DISP3: variants seen among roughly 807,000 people sequenced by gnomAD.
DISP3 encodes the protein dispatched RND transporter family member 3, also known as protein dispatched homolog 3.
DISP3 carries 101 observed loss-of-function variants against 135.3 expected under a neutral mutation model. That is an observed-to-expected ratio of 0.75 (90% CI 0.64 to 0.88). The LOEUF is 0.88. Ranked by LOEUF, DISP3 falls within the 40% of genes least tolerant of loss-of-function variation. The probability of loss-of-function intolerance (pLI) is 0.00; values close to 1 mark genes in which losing one functional copy is unlikely to be tolerated. For synonymous variants in DISP3, 856 were observed against 817.0 expected (o/e 1.05, Z -0.81); for missense variants, 1,713 against 1,878.6 (o/e 0.91, Z 1.63).
At position 11,501,188 on chromosome 1, in the gene DISP3, T is replaced by C; in HGVS notation, c.196T>C (p.Trp66Arg). 6.2e-7 allele frequency: 1 copy of C among 1,614,056 alleles called. No homozygotes were observed. The highest frequency in any genetic ancestry group is 8.5e-7 in the Non-Finnish European group (1 of 1,179,920). ...PASGFWSTLG[W>R]AFTNPCCAGL... is the part of the protein sequence containing the mutation. ...TTCGGGCTTCTGGAGTACCCTGGGC[T>C]GGGCCTTCACCAATCCGTGCTGTGC... Residue 66 changes from tryptophan (W) to arginine (R), a missense_variant, in exon 2 of 21, where the codon TGG becomes CGG. Trp to Arg is a moderately radical substitution (Grantham distance 101). Coordinates refer to ENST00000294484, the MANE Select transcript of DISP3 (RefSeq NM_020780.2). This position sits in a 1 kb window ranked among gnomAD's most constrained non-coding sequence, Gnocchi z 4.9.
chr1:11,500,097 CA>C (rs1641459105), intron 1 of DISP3, among the ~76,000 whole-genome samples: 1 of 152,250 alleles, frequency 6.6e-6, no homozygotes, highest in African/African-American at 2.4e-5. Flanking sequence ...CTGCTGCACT[CA>C]AGTCTCTGGG....
Position 11,501,748 on chromosome 1 carries a change from C to A in DISP3, c.756C>A (p.Gly252=). 1 of 1,591,008 alleles carries A rather than the reference C, an allele frequency of 6.3e-7. No individual in the cohort carries two copies. Among genetic ancestry groups the A allele is most frequent in the Non-Finnish European group, 8.6e-7 (1 of 1,166,988 alleles). Residue 252 remains glycine (G), a synonymous_variant, in exon 2 of 21, where the codon GGC becomes GGA. Coordinates refer to ENST00000294484, the MANE Select transcript of DISP3 (RefSeq NM_020780.2). The surrounding 1 kb of genome is among the most constrained non-coding windows in gnomAD (Gnocchi z 4.9). Reference sequence around the variant, plus strand: ...CCAATCAGAGCCGTGCCCGCCGAGGCGCCTCGCGCTGGGACTACTCGCGCG... The same window carrying A: ...CCAATCAGAGCCGTGCCCGCCGAGGAGCCTCGCGCTGGGACTACTCGCGCG... ...VAANQSRARR[G]ASRWDYSRAY...
chr1:11,526,835 G>A lies in DISP3; in HGVS notation c.2798G>A (p.Arg933Gln), dbSNP rs772456700. 1.6e-5 allele frequency: 26 copies of A among 1,598,284 alleles called. No homozygotes were observed. The highest frequency in any genetic ancestry group is 1.9e-5 in the Non-Finnish European group (22 of 1,176,346). ...GCCACCAAGGAGCAGCAGCACACCC[G>A]GTAACAGAGCCTGGCAGACAAGCCG... ...YVATKEQQHTRKLYFAQSHKP... is the reference protein window; with the variant it reads ...YVATKEQQHTQKLYFAQSHKP... Residue 933 changes from arginine (R) to glutamine (Q), a missense_variant and splice_region_variant, in exon 13 of 21, where the codon CGG (arginine) becomes CAG (glutamine). Arg to Gln is a conservative substitution (Grantham distance 43). Transcript: ENST00000294484.
intron 1 of DISP3, among the ~76,000 whole-genome samples, chr1:11,496,143 A>T (rs1641325462): frequency 6.6e-6 from 1 of 151,850 alleles, no homozygotes; most frequent in African/African-American, 2.4e-5. Flanking sequence ...CTGGGATTTG[A>T]CTGCAGATAT....
At chr1:11,510,326 G>A (rs1641823706) in intron 3 of DISP3, among the ~76,000 whole-genome samples, 1 of 151,406 alleles carries the variant, frequency 6.6e-6, no homozygotes, top group African/African-American at 2.4e-5. Flanking sequence ...CTTTTATGTT[G>A]TAACTCTTTT....
At chr1:11,509,906 A>G (rs1374525385) in intron 3 of DISP3, among the ~76,000 whole-genome samples, 2 of 152,076 alleles carry the variant, frequency 1.3e-5, no homozygotes, top group African/African-American at 4.8e-5. Context: ...CGAGACCAAC[A>G]TGGCTAACAT....
At position 11,501,837 on chromosome 1, in the gene DISP3, G is replaced by T. The variant is rs1485735630; in HGVS notation, c.845G>T (p.Arg282Leu). Residue 282 changes from arginine to leucine, a missense_variant, in exon 2 of 21, where the codon CGC becomes CTC. Around this residue, in one of 2 missense-constraint regions of DISP3, gnomAD observed 571 missense variants for 494.1 expected, o/e 1.16. Transcript: ENST00000294484. The surrounding 1 kb of genome is among the most constrained non-coding windows in gnomAD (Gnocchi z 4.9). Reference sequence around the variant, plus strand: ...CGCATCGAGCTCATCTTCCTGGCGCGCGGCGACGCGGAGCGCAACATTTTC... The same window carrying T: ...CGCATCGAGCTCATCTTCCTGGCGCTCGGCGACGCGGAGCGCAACATTTTC... ...HWRIELIFLARGDAERNIFTS... is the reference protein window; with the variant it reads ...HWRIELIFLALGDAERNIFTS... 2 of 1,611,550 alleles carry T rather than the reference G, an allele frequency of 1.2e-6. No individual in the cohort carries two copies. The highest frequency in any genetic ancestry group is 1.7e-6 in the Non-Finnish European group (2 of 1,178,836).
rs1020475137 is a variant in DISP3, at chr1:11,508,179, T to C, written c.1316+5282T>C. Among the ~76,000 whole-genome samples the C allele has an allele frequency of 1.3e-5, 2 of 152,158 alleles. 1 individual carries two copies. Among genetic ancestry groups the C allele is most frequent in the East Asian group, 3.9e-4 (2 of 5,192 alleles). ...GTTCATGCCTATAATCCCAGCTACT[T>C]GGAAGGCTGAGGCAGGAGGATCCTT... On this transcript the variant is annotated intron_variant, in intron 3 of 20. Transcript: ENST00000294484.
intron 1 of DISP3, among the ~76,000 whole-genome samples, chr1:11,493,647 C>T (rs1641248645): frequency 6.6e-6 from 1 of 152,094 alleles, no homozygotes; most frequent in African/African-American, 2.4e-5. Flanking sequence ...TCATTTGAAC[C>T]TCAGAGGTGG....
At position 11,517,520 on chromosome 1, in the gene DISP3, C is replaced by T. The variant is rs1345897491; in HGVS notation, c.1807C>T (p.Leu603=). The part of the protein sequence containing the change: ...FMSLIVSCCW[L]AVLVTMPAAL... ...GTCTCTCATCGTGTCCTGTTGCTGG[C>T]TGGCCGTGCTTGTCACCATGCCTGC... The change falls in exon 7 of 21, where the codon CTG becomes TTG. Residue 603 remains leucine (L), a synonymous_variant. Transcript: ENST00000294484. 3 of 1,614,114 alleles carry T rather than the reference C, an allele frequency of 1.9e-6. No individual in the cohort carries two copies. Among genetic ancestry groups the T allele is most frequent in the African/African-American group, 2.7e-5 (2 of 74,946 alleles).
chr1:11,522,606 AGCCCAGCCAG>A (rs1642240161), intron 10 of DISP3, among the ~76,000 whole-genome samples: 2 of 31,204 alleles, frequency 6.4e-5, no homozygotes, highest in Non-Finnish European at 1.8e-4. Flanking sequence ...ACCCAGCCAG[AGCCCAGCCAG>A]GACCCAGCCA....
chr1:11,511,418 G>A (rs1046512759), intron 3 of DISP3, among the ~76,000 whole-genome samples: 38 of 152,282 alleles, frequency 2.5e-4, no homozygotes, highest in African/African-American at 8.9e-4. Flanking sequence ...CCAAAACAAA[G>A]GGGTTACAGG....
Position 11,491,192 on chromosome 1 carries a change from G to A in DISP3, c.-3-9798G>A, listed in dbSNP as rs973059666. ...CGGTGGAGGGATGTGGGGAGGCCAA[G>A]GCTAAATCAGTTGCTGGAGGGAGCC... On this transcript the variant is annotated intron_variant, in intron 1 of 20. Transcript: ENST00000294484. This position sits in a 1 kb window ranked among gnomAD's most constrained non-coding sequence, Gnocchi z 4.3. 1.3e-5 allele frequency among the ~76,000 whole-genome samples: 2 copies of A among 152,244 alleles called. No individual in the cohort carries two copies. Among genetic ancestry groups the A allele is most frequent in the Admixed American group, 6.5e-5 (1 of 15,288 alleles).
chr1:11,536,687 C>CGG lies in DISP3; in HGVS notation c.*1_*2insGG. 1 of 1,553,770 alleles carries CGG rather than the reference C, an allele frequency of 6.4e-7. No homozygotes were observed. Among genetic ancestry groups the CGG allele is most frequent in the African/African-American group, 1.4e-5 (1 of 73,102 alleles). ...CCTGCCCGCAGGGGCCTCCCTATAG[C>CGG]CCGGGACGGGCTCTGGACACTTGCA... On this transcript the variant is annotated 3_prime_UTR_variant, in exon 21 of 21. Coordinates refer to ENST00000294484, the MANE Select transcript of DISP3 (RefSeq NM_020780.2). The surrounding 1 kb of genome is among the most constrained non-coding windows in gnomAD (Gnocchi z 4.3).
At chr1:11,505,054 C>T (rs1641658989) in intron 3 of DISP3, among the ~76,000 whole-genome samples, 1 of 152,228 alleles carries the variant, frequency 6.6e-6, no homozygotes, top group African/African-American at 2.4e-5. Context: ...CAGTGCTTCT[C>T]ACTCTGTCTT....
rs756657293 is a variant in DISP3 at position 11,501,777 on chromosome 1, A to C, written c.785A>C (p.Tyr262Ser). The part of the protein sequence containing the change: ...GASRWDYSRA[Y>S]VSANTQTHAH... ...TCGCGCTGGGACTACTCGCGCGCCT[A>C]TGTGAGTGCCAACACTCAGACGCAC... is the stretch of plus-strand genomic sequence containing the variant. The change falls in exon 2 of 21, where the codon TAT becomes TCT. Residue 262 changes from tyrosine to serine, a missense_variant. Around this residue, in one of 2 missense-constraint regions of DISP3, gnomAD observed 571 missense variants for 494.1 expected, o/e 1.16. Transcript: ENST00000294484. The surrounding 1 kb of genome is among the most constrained non-coding windows in gnomAD (Gnocchi z 4.9). The C allele has an allele frequency of 1.9e-6, 3 of 1,597,394 alleles. No homozygotes were observed. The highest frequency in any genetic ancestry group is 1.7e-5 in the Admixed American group (1 of 58,884).
intron 3 of DISP3, among the ~76,000 whole-genome samples, chr1:11,512,599 G>A (rs1641886931): frequency 6.6e-6 from 1 of 152,158 alleles, no homozygotes; most frequent in South Asian, 2.1e-4. Flanking sequence ...CATTCAACAA[G>A]TCTCTAGGAA....
chr1:11,495,306 G>A (rs58179069), intron 1 of DISP3, among the ~76,000 whole-genome samples: 105 of 152,288 alleles, frequency 6.9e-4, no homozygotes, highest in African/African-American at 2.4e-3. Context: ...CACGAGAATC[G>A]CTTGAACCCG....
At chr1:11,489,519 T>A (rs1641126189) in intron 1 of DISP3, among the ~76,000 whole-genome samples, 1 of 152,158 alleles carries the variant, frequency 6.6e-6, no homozygotes, top group Non-Finnish European at 1.5e-5. Flanking sequence ...GACAGCAGGA[T>A]CCCTGCATGC....
Sources: allele counts gnomAD v4.1 joint callset (sites outside exome capture counted in the v4.1 genomes callset), GRCh38; gene constraint gnomAD v4.1.1; regional missense constraint gnomAD v4.1.1; non-coding constraint Gnocchi (gnomAD v3.1); transcripts MANE v1.5; gene names NCBI Gene and HGNC (gene_info 2026-07-23, HGNC 2026-07-21).